Variants in EEPD1 observed in about 807,000 individuals in gnomAD.
EEPD1 encodes the protein endonuclease/exonuclease/phosphatase family domain-containing protein 1.
In EEPD1, 17 loss-of-function variants were observed where a neutral mutation model predicts 46.3. The observed-to-expected ratio is 0.37, with a 90% confidence interval of 0.25 to 0.55. The LOEUF is 0.55. Among genes scored for constraint, EEPD1 ranks in the 20% least tolerant of loss-of-function variants. The pLI, the probability that EEPD1 is intolerant of heterozygous loss-of-function variation, is 0.83. For missense variants in EEPD1, 673 were observed against 745.6 expected, an observed-to-expected ratio of 0.90 and a Z score of 1.13; for synonymous variants, 313 against 315.6, an observed-to-expected ratio of 0.99 and a Z score of 0.09.
At chr7:36,291,365 G>T (rs932515176) in intron 6 of EEPD1, among the ~76,000 whole-genome samples, 2 of 152,168 alleles carry the variant, frequency 1.3e-5, no homozygotes, top group Non-Finnish European at 1.5e-5. Flanking sequence ...AGCCCTTTGT[G>T]GTGAGCCCTG....
chr7:36,284,589 G>C, intron 4 of EEPD1, 97 bp from the exon 5 acceptor site: 1 of 1,450,602 alleles, frequency 6.9e-7, no homozygotes, highest in South Asian at 1.3e-5. Flanking sequence ...GCCAGAGTAG[G>C]GCCTACTGCC....
Position 36,281,280 on chromosome 7 carries a change from T to G in EEPD1, c.1041+55T>G, listed in dbSNP as rs1378877856. On this transcript the variant is annotated intron_variant, in intron 4 of 7. Transcript: ENST00000242108. ...CCTTCATTTAATTTATACATACTTTTCCCCTAATCAAGGGCATTTAAAAAT... is the reference window on the plus strand; with the variant it reads ...CCTTCATTTAATTTATACATACTTTGCCCCTAATCAAGGGCATTTAAAAAT... 3 of 1,498,578 alleles carry G rather than the reference T, an allele frequency of 2.0e-6. No homozygotes were observed. In the African/African-American group the frequency reaches 4.1e-5, roughly 21 times the overall value. 92.8% of individuals were successfully genotyped at this position (1,498,578 alleles called of 1,614,324 possible).
intron 2 of EEPD1, among the ~76,000 whole-genome samples, chr7:36,219,804 A>AGTGTGTGTGTGTGT (rs770071168): frequency 0.025 from 2,145 of 87,514 alleles, 24 homozygotes; most frequent in Middle Eastern, 0.048. Context: ...AGAGAGAGAG[A>AGTGTGTGTGTGTGT]GAGTGTGTGT....
chr7:36,271,529 G>C (rs185605214), intron 3 of EEPD1, among the ~76,000 whole-genome samples: 5 of 152,180 alleles, frequency 3.3e-5, no homozygotes, highest in African/African-American at 1.2e-4. Context: ...CGGACTGATA[G>C]ATTGCAAAAA....
At chr7:36,223,646 G>T (rs952347394) in intron 2 of EEPD1, among the ~76,000 whole-genome samples, 3 of 152,228 alleles carry the variant, frequency 2.0e-5, no homozygotes, top group African/African-American at 7.2e-5. Context: ...CCTCATCCCT[G>T]TGTGGACCCT....
At chr7:36,263,191 G>A (rs756127856) in intron 3 of EEPD1, among the ~76,000 whole-genome samples, 68 of 152,014 alleles carry the variant, frequency 4.5e-4, no homozygotes, top group Non-Finnish European at 1.0e-4. Context: ...AATTGGCCGG[G>A]TGTGGCGATG....
At chr7:36,205,641 T>G (rs968769469) in intron 2 of EEPD1, among the ~76,000 whole-genome samples, 2 of 152,214 alleles carry the variant, frequency 1.3e-5, no homozygotes, top group Admixed American at 1.3e-4. Flanking sequence ...ACTGAGCAGG[T>G]TAAAAGCATA....
intron 3 of EEPD1, among the ~76,000 whole-genome samples, chr7:36,254,664 A>G (rs1213374492): frequency 6.6e-6 from 1 of 152,168 alleles, no homozygotes; most frequent in Non-Finnish European, 1.5e-5. Flanking sequence ...TACTGGGTCA[A>G]ATGGTATTTC....
chr7:36,273,170 C>G (rs183999117), intron 3 of EEPD1, among the ~76,000 whole-genome samples: 1 of 141,084 alleles, frequency 7.1e-6, no homozygotes, highest in Non-Finnish European at 1.6e-5. Context: ...ACTCACGGGT[C>G]GATTGGTTTC....
chr7:36,203,952 A>G (rs1785764673), intron 2 of EEPD1, among the ~76,000 whole-genome samples: 1 of 148,158 alleles, frequency 6.7e-6, no homozygotes, highest in Non-Finnish European at 1.5e-5. Flanking sequence ...GTATAATTTT[A>G]TAAACCACTT....
At chr7:36,184,688 A>G (rs1421038921) in intron 2 of EEPD1, among the ~76,000 whole-genome samples, 1 of 152,146 alleles carries the variant, frequency 6.6e-6, no homozygotes, top group African/African-American at 2.4e-5. Flanking sequence ...AGTTAATCTA[A>G]CACTGTCATA....
chr7:36,242,957 T>G (rs955630311), intron 3 of EEPD1, among the ~76,000 whole-genome samples: 2 of 152,130 alleles, frequency 1.3e-5, no homozygotes, highest in African/African-American at 4.8e-5. Context: ...CCAGTTGATA[T>G]GCTGGAATAA....
chr7:36,191,154 T>A (rs1785454101), intron 2 of EEPD1, among the ~76,000 whole-genome samples: 5 of 152,188 alleles, frequency 3.3e-5, no homozygotes, highest in African/African-American at 9.7e-5. Flanking sequence ...AGGGAAGCAT[T>A]CTCCTGAGAA....
intron 3 of EEPD1, among the ~76,000 whole-genome samples, chr7:36,240,872 G>A (rs562195740): frequency 1.1e-4 from 17 of 152,124 alleles, no homozygotes; most frequent in African/African-American, 1.4e-4. Context: ...CATAAGGAGC[G>A]CACAATCTGG....
intron 2 of EEPD1, among the ~76,000 whole-genome samples, chr7:36,176,469 T>G (rs1785182624): frequency 6.6e-6 from 1 of 152,198 alleles, no homozygotes; most frequent in Non-Finnish European, 1.5e-5. Context: ...ATGTAACGGA[T>G]GTCGGAATAA....
At chr7:36,232,728 G>T (rs552271432) in intron 2 of EEPD1, among the ~76,000 whole-genome samples, 1 of 151,182 alleles carries the variant, frequency 6.6e-6, no homozygotes, top group African/African-American at 2.4e-5. Context: ...AGGCTGGGGG[G>T]TTGGAGGGTA....
At chr7:36,173,527 C>T (rs955010781) in intron 2 of EEPD1, among the ~76,000 whole-genome samples, 1 of 152,006 alleles carries the variant, frequency 6.6e-6, no homozygotes, top group Admixed American at 6.6e-5. Context: ...TGGCAGTTCC[C>T]CACCCCCAGC....
rs196614 is a variant in EEPD1 at position 36,299,232 on chromosome 7, T to G, written c.*26T>G. 5 of 1,606,796 alleles carry G rather than the reference T, an allele frequency of 3.1e-6. No individual in the cohort carries two copies. Among genetic ancestry groups the G allele is most frequent in the African/African-American group, 1.3e-5 (1 of 74,722 alleles). Reference sequence around the variant, plus strand: ...TGACACCAAATCCATGTGTCCACCCTGGGACCCAGGAGGGCACAGCCAAGG... The same window carrying G: ...TGACACCAAATCCATGTGTCCACCCGGGGACCCAGGAGGGCACAGCCAAGG... On this transcript the variant is annotated 3_prime_UTR_variant, in exon 8 of 8. Transcript: ENST00000242108.
chr7:36,174,689 A>G (rs187942432), intron 2 of EEPD1, among the ~76,000 whole-genome samples: 7 of 152,314 alleles, frequency 4.6e-5, no homozygotes, highest in Non-Finnish European at 1.0e-4. Context: ...TCACTGGGTG[A>G]ATGGTGACAT....
Sources: allele counts gnomAD v4.1 joint callset (sites outside exome capture counted in the v4.1 genomes callset), GRCh38; gene constraint gnomAD v4.1.1; transcripts MANE v1.5; gene names NCBI Gene and HGNC (gene_info 2026-07-23, HGNC 2026-07-21).